ABCC11: variants seen among roughly 807,000 people sequenced by gnomAD.
ABCC11 encodes ATP binding cassette subfamily C member 11.
Under a neutral mutation model 149.3 loss-of-function variants are expected in ABCC11, and 135 were observed. That is an observed-to-expected ratio of 0.90 (90% confidence interval 0.79 to 1.04). The LOEUF (loss-of-function observed/expected upper bound fraction) is 1.04, where lower values mean the gene tolerates loss of function less well. ABCC11 is among the 50% of genes least tolerant of loss of function. The pLI is 0.00. For missense variants in ABCC11, 1,680 were observed against 1,722.1 expected, an observed-to-expected ratio of 0.98 and a Z score of 0.43; for synonymous variants, 665 against 671.4, an observed-to-expected ratio of 0.99 and a Z score of 0.15.
chr16:48,205,479 T>C lies in ABCC11; in HGVS notation c.1739A>G (p.Gln580Arg). The C allele has an allele frequency of 6.2e-7, 1 of 1,614,164 alleles. No individual in the cohort carries two copies. The highest frequency in any genetic ancestry group is 8.5e-7 in the Non-Finnish European group (1 of 1,180,028). Residue 580 changes from glutamine to arginine, a missense_variant, in exon 13 of 30, where the codon CAG becomes CGG. Coordinates refer to ENST00000356608, the MANE Select transcript of ABCC11 (RefSeq NM_001370497.1). ...VQGSLAYVPQ[Q>R]AWIVSGNIRE... ...GATGTTCCCGCTGACGATCCAGGCC[T>C]GCTGGGGGACATAGGCCAGGCTTCC...
intron 23 of ABCC11, among the ~76,000 whole-genome samples, chr16:48,181,406 G>A (rs184364132): frequency 2.4e-4 from 36 of 152,254 alleles, no homozygotes; most frequent in African/African-American, 8.7e-4. Flanking sequence ...TATTCATTGA[G>A]CATTTATTCC....
In ABCC11 at chr16:48,192,553, T is replaced by A; in HGVS notation, c.2673A>T (p.Ala891=). 6.2e-7 allele frequency: 1 copy of A among 1,614,246 alleles called. No homozygotes were observed. The change falls in exon 20 of 30, where the codon GCA becomes GCT. Residue 891 remains alanine (A), a synonymous_variant. Coordinates refer to ENST00000356608, the MANE Select transcript of ABCC11 (RefSeq NM_001370497.1). Reference sequence around the variant, plus strand: ...AGAGCTTGTTGTGCAGGGCCGTGGATGCCTTCCTCGTGACCTTGGTGAAAA... The same window carrying A: ...AGAGCTTGTTGTGCAGGGCCGTGGAAGCCTTCCTCGTGACCTTGGTGAAAA... ...SGIFTKVTRK[A]STALHNKLFN... is the part of the protein sequence containing the mutation.
intron 15 of ABCC11, among the ~76,000 whole-genome samples, chr16:48,199,973 G>T (rs573873055): frequency 7.9e-5 from 12 of 152,216 alleles, no homozygotes; most frequent in Non-Finnish European, 1.8e-4. Flanking sequence ...ACCGTGCTCG[G>T]CCTGTTTTCA....
intron 11 of ABCC11, 129 bp downstream of exon 11, chr16:48,210,812 ATTTGAAT>A: frequency 8.2e-7 from 1 of 1,223,590 alleles, no homozygotes; most frequent in Non-Finnish European, 1.1e-6. Context: ...TCCATGAAAA[ATTTGAAT>A]TTTAAGGGGA....
chr16:48,226,241 T>C (rs117468103), intron 4 of ABCC11, among the ~76,000 whole-genome samples: 2,029 of 150,440 alleles, frequency 0.013, 16 homozygotes, highest in Non-Finnish European at 0.022. Flanking sequence ...AACAATCCTA[T>C]GAAGGACCAT....
At chr16:48,221,446 TA>T (rs879900375) in intron 6 of ABCC11, among the ~76,000 whole-genome samples, 475 of 137,678 alleles carry the variant, frequency 3.5e-3, no homozygotes, top group Non-Finnish European at 3.3e-3. Flanking sequence ...TGTTATGCTG[TA>T]AAAAAAAAAA....
In ABCC11 at chr16:48,187,074, T is replaced by C; in HGVS notation, c.2950A>G (p.Ile984Val). The change falls in exon 22 of 30, where the codon ATC (isoleucine) becomes GTC (valine). Residue 984 changes from isoleucine to valine, a missense_variant. Coordinates refer to ENST00000356608, the MANE Select transcript of ABCC11 (RefSeq NM_001370497.1). ...FIYYMMFKKA[I>V]GVFKRLENYS... Reference sequence around the variant, plus strand: ...TTCTCCAGTCTCTTGAACACACCGATGGCCTTCTTGAACATCCTGCATGGA... The same window carrying C: ...TTCTCCAGTCTCTTGAACACACCGACGGCCTTCTTGAACATCCTGCATGGA... The C allele has an allele frequency of 5.6e-6, 9 of 1,614,214 alleles. No individual in the cohort carries two copies. Among genetic ancestry groups the C allele is most frequent in the Non-Finnish European group, 7.6e-6 (9 of 1,180,026 alleles).
At position 48,235,384 on chromosome 16, in the gene ABCC11, G is replaced by T. The variant is rs567999624; in HGVS notation, c.-18-3445C>A. On this transcript the variant is annotated intron_variant, in intron 1 of 29. Transcript: ENST00000356608. ...CAAATGTGTCTTTGGATCTAGAAGA[G>T]TGCCCAGCACATAGTGTGACTCTTT... Among the ~76,000 whole-genome samples the T allele has an allele frequency of 4.6e-5, 7 of 152,368 alleles. No individual in the cohort carries two copies. The South Asian group carries it at 1.4e-3, about 32-fold the overall frequency.
chr16:48,228,047 GAGGT>G, intron 3 of ABCC11, 83 bp from the exon 4 acceptor site: 2 of 1,346,868 alleles, frequency 1.5e-6, no homozygotes, highest in Non-Finnish European at 1.0e-6. Flanking sequence ...AAAACACAAC[GAGGT>G]TACCCAGATC....
rs1207685206 is a variant in ABCC11, at chr16:48,205,418, C to T, written c.1800G>A (p.Lys600=). Residue 600 remains lysine, a synonymous_variant, in exon 13 of 30, where the codon AAG becomes AAA. Coordinates refer to ENST00000356608, the MANE Select transcript of ABCC11 (RefSeq NM_001370497.1). ...TTCCCCTCCCAGGAGCTTACCGGGC[C>T]TTGTCATATGCGCCTCCCATGAGGA... ...ENILMGGAYD[K]ARYLQVLHCC... is the part of the protein sequence containing the mutation. 6.2e-7 allele frequency: 1 copy of T among 1,614,110 alleles called. No individual in the cohort carries two copies. Among genetic ancestry groups the T allele is most frequent in the Admixed American group, 1.7e-5 (1 of 60,012 alleles).
chr16:48,242,821 T>C (rs1971047317), intron 1 of ABCC11, among the ~76,000 whole-genome samples: 1 of 151,892 alleles, frequency 6.6e-6, no homozygotes, highest in Non-Finnish European at 1.5e-5. Flanking sequence ...CTGCAAGTTC[T>C]CACTCATAGG....
intron 1 of ABCC11, 154 bp from the exon 2 acceptor site, chr16:48,232,093 C>A: frequency 7.1e-7 from 1 of 1,399,316 alleles, no homozygotes; most frequent in Middle Eastern, 2.1e-4. Context: ...CTCTCCTTAG[C>A]CTGTGCTTGA....
chr16:48,237,764 T>C (rs1445376671), intron 1 of ABCC11, among the ~76,000 whole-genome samples: 1 of 152,108 alleles, frequency 6.6e-6, no homozygotes, highest in Non-Finnish European at 1.5e-5. Context: ...CAGGAACAGG[T>C]TCCTCAAACA....
At chr16:48,242,184 T>TA (rs1274973243) in intron 1 of ABCC11, among the ~76,000 whole-genome samples, 5 of 152,152 alleles carry the variant, frequency 3.3e-5, no homozygotes, top group Non-Finnish European at 7.3e-5. Flanking sequence ...ACAAAGAACT[T>TA]AAACAAGTTT....
At chr16:48,226,427 C>T (rs2150906627) in intron 4 of ABCC11, among the ~76,000 whole-genome samples, 1 of 152,086 alleles carries the variant, frequency 6.6e-6, no homozygotes, top group South Asian at 2.1e-4. Flanking sequence ...GAGGCACCCG[C>T]CTCCATGCCT....
chr16:48,190,567 T>C (rs946518293), intron 20 of ABCC11, among the ~76,000 whole-genome samples: 62 of 152,120 alleles, frequency 4.1e-4, no homozygotes, highest in African/African-American at 1.4e-3. Context: ...TTTTGCCTTG[T>C]TGCCCAGGCT....
chr16:48,207,656 A>G (rs1252784402), intron 12 of ABCC11, among the ~76,000 whole-genome samples: 1 of 152,128 alleles, frequency 6.6e-6, no homozygotes, highest in African/African-American at 2.4e-5. Context: ...GTGTCAAAAA[A>G]AAGAAGAAAG....
At chr16:48,227,209 C>T (rs1283923918) in intron 4 of ABCC11, among the ~76,000 whole-genome samples, 2 of 152,114 alleles carry the variant, frequency 1.3e-5, no homozygotes, top group African/African-American at 2.4e-5. Flanking sequence ...TGTGGTGGCT[C>T]ACACCTGTAA....
chr16:48,227,727 C>A, intron 4 of ABCC11, 79 bp downstream of exon 4: 1 of 1,592,168 alleles, frequency 6.3e-7, no homozygotes, highest in Non-Finnish European at 8.6e-7. Context: ...CTCCCTACCA[C>A]CCTTAGGCAT....
Sources: allele counts gnomAD v4.1 joint callset (sites outside exome capture counted in the v4.1 genomes callset), GRCh38; gene constraint gnomAD v4.1.1; transcripts MANE v1.5; gene names NCBI Gene and HGNC (gene_info 2026-07-23, HGNC 2026-07-21).